Variants in FNBP1L observed in about 807,000 individuals in gnomAD.
The protein encoded by FNBP1L is formin binding protein 1 like.
FNBP1L carries 36 observed loss-of-function variants against 91.2 expected under a neutral mutation model. The ratio of observed to expected loss-of-function variants is 0.39; its 90% confidence interval spans 0.30 to 0.52. The LOEUF is 0.52. FNBP1L is among the 20% of genes least tolerant of loss of function. The pLI is 0.66. For missense variants in FNBP1L, 571 were observed against 732.1 expected, an observed-to-expected ratio of 0.78 and a Z score of 2.54; for synonymous variants, 242 against 237.0, an observed-to-expected ratio of 1.02 and a Z score of -0.19.
intron 1 of FNBP1L, among the ~76,000 whole-genome samples, chr1:93,482,884 C>T (rs911597957): frequency 3.3e-5 from 5 of 151,470 alleles, no homozygotes; most frequent in African/African-American, 9.7e-5. Flanking sequence ...CAGGCGTGGT[C>T]GCGGGCGCCT....
Position 93,519,308 on chromosome 1 carries a change from G to C in FNBP1L, c.141-2774G>C, listed in dbSNP as rs1417347429. Among the ~76,000 whole-genome samples the C allele has an allele frequency of 2.0e-5, 3 of 152,116 alleles. No homozygotes were observed. In the South Asian group the frequency reaches 6.2e-4, roughly 31 times the overall value. On this transcript the variant is annotated intron_variant, in intron 2 of 16. Coordinates refer to ENST00000271234, the MANE Select transcript of FNBP1L (RefSeq NM_001164473.3). ...TCCAGCAACATTGAACCCACTTACA[G>C]TTCTTAAATGCTCTGTTTTTCCCCA...
intron 1 of FNBP1L, among the ~76,000 whole-genome samples, chr1:93,469,357 T>C (rs191164392): frequency 8.7e-4 from 132 of 151,996 alleles, no homozygotes; most frequent in African/African-American, 3.0e-3. Context: ...GTCCTTGCGA[T>C]AGTTTGCTGA....
intron 1 of FNBP1L, among the ~76,000 whole-genome samples, chr1:93,492,068 T>A (rs1438502269): frequency 2.6e-5 from 4 of 152,218 alleles, no homozygotes; most frequent in Admixed American, 2.6e-4. Context: ...AGCTAATACA[T>A]AGATATAGTC....
At chr1:93,542,472 A>G (rs526751) in intron 11 of FNBP1L, among the ~76,000 whole-genome samples, 1 of 147,012 alleles carries the variant, frequency 6.8e-6, no homozygotes, top group Non-Finnish European at 1.5e-5. Flanking sequence ...AAAAAGCAAC[A>G]CTTAGGATGC....
chr1:93,508,376 C>T (rs916571141), intron 2 of FNBP1L, among the ~76,000 whole-genome samples: 1 of 152,044 alleles, frequency 6.6e-6, no homozygotes, highest in African/African-American at 2.4e-5. Flanking sequence ...TGTCTTCTTT[C>T]AGAGCATATG....
intron 10 of FNBP1L, among the ~76,000 whole-genome samples, chr1:93,538,836 C>T (rs908344506): frequency 1.3e-5 from 2 of 152,004 alleles, no homozygotes; most frequent in Admixed American, 6.6e-5. Context: ...TAAATAACTT[C>T]TTAAAAATTA....
chr1:93,495,602 C>G (rs890734329), intron 1 of FNBP1L, among the ~76,000 whole-genome samples: 4 of 152,048 alleles, frequency 2.6e-5, no homozygotes, highest in Admixed American at 2.0e-4. Context: ...ATTGAAAAAT[C>G]TTTGTTTAAT....
At chr1:93,471,219 C>T (rs1300397210) in intron 1 of FNBP1L, among the ~76,000 whole-genome samples, 1 of 152,106 alleles carries the variant, frequency 6.6e-6, no homozygotes, top group Non-Finnish European at 1.5e-5. Context: ...CAGAAATGTT[C>T]ATTGGAGCAT....
chr1:93,552,332 C>G (rs1672440157), intron 16 of FNBP1L, 77 bp from the exon 17 acceptor site: 2 of 1,543,856 alleles, frequency 1.3e-6, no homozygotes, highest in South Asian at 1.3e-5. Context: ...GGGACAGGCA[C>G]TTTAAACTGA....
At chr1:93,500,542 T>G (rs186004679) in intron 2 of FNBP1L, among the ~76,000 whole-genome samples, 1 of 149,770 alleles carries the variant, frequency 6.7e-6, no homozygotes, top group Admixed American at 6.6e-5. Context: ...GCACCAAGCT[T>G]CTTTTCTCCA....
chr1:93,454,232 G>A lies in FNBP1L; in HGVS notation c.24+5927G>A, dbSNP rs141629638. Among the ~76,000 whole-genome samples the A allele has an allele frequency of 1.9e-3, 291 of 152,276 alleles. 2 individuals carry two copies. Among genetic ancestry groups the A allele is most frequent in the African/African-American group, 6.7e-3 (280 of 41,560 alleles). On this transcript the variant is annotated intron_variant, in intron 1 of 16. Coordinates refer to ENST00000271234, the MANE Select transcript of FNBP1L (RefSeq NM_001164473.3). ...TTTGACTTGAATTTGAGTGCACAAT[G>A]TCTGAAAGTAGTGATGAAGGGTAGA...
chr1:93,464,455 G>A (rs550824600), intron 1 of FNBP1L, among the ~76,000 whole-genome samples: 1 of 152,072 alleles, frequency 6.6e-6, no homozygotes, highest in East Asian at 1.9e-4. Context: ...CATGTTTGTT[G>A]GATCTTCTTG....
intron 5 of FNBP1L, among the ~76,000 whole-genome samples, chr1:93,525,099 T>C (rs1287629574): frequency 6.6e-6 from 1 of 151,922 alleles, no homozygotes; most frequent in African/African-American, 2.4e-5. Flanking sequence ...TTAAATGATA[T>C]TCTGTAGTAT....
chr1:93,467,126 G>T (rs772799979), intron 1 of FNBP1L, among the ~76,000 whole-genome samples: 1 of 152,204 alleles, frequency 6.6e-6, no homozygotes, highest in Admixed American at 6.5e-5. Flanking sequence ...CAAAGTGCTG[G>T]AATTACAAGC....
intron 11 of FNBP1L, 138 bp from the exon 12 acceptor site, chr1:93,543,969 T>G: frequency 4.1e-6 from 2 of 484,510 alleles, no homozygotes; most frequent in Non-Finnish European, 7.2e-6. Flanking sequence ...GTAGATTTCT[T>G]TTTTTTTTAA....
chr1:93,452,136 C>T (rs1055283114), intron 1 of FNBP1L, among the ~76,000 whole-genome samples: 11 of 152,168 alleles, frequency 7.2e-5, no homozygotes, highest in African/African-American at 2.4e-4. Flanking sequence ...TTGTAAGTGA[C>T]TAGATTGTCC....
At chr1:93,518,804 T>G (rs979990126) in intron 2 of FNBP1L, among the ~76,000 whole-genome samples, 16 of 152,216 alleles carry the variant, frequency 1.1e-4, no homozygotes, top group African/African-American at 3.9e-4. Flanking sequence ...ATAACCACAA[T>G]TGAATTTTAG....
chr1:93,475,530 C>T (rs750956795), intron 1 of FNBP1L, among the ~76,000 whole-genome samples: 19 of 152,060 alleles, frequency 1.2e-4, no homozygotes, highest in Admixed American at 1.0e-3. Flanking sequence ...CTGAGTGAGA[C>T]CCTGTCTCAA....
chr1:93,506,844 C>T (rs1670632908), intron 2 of FNBP1L, among the ~76,000 whole-genome samples: 1 of 151,626 alleles, frequency 6.6e-6, no homozygotes, highest in East Asian at 1.9e-4. Flanking sequence ...CATGACAAAA[C>T]TAGAATGGAT....
Sources: allele counts gnomAD v4.1 joint callset (sites outside exome capture counted in the v4.1 genomes callset), GRCh38; gene constraint gnomAD v4.1.1; transcripts MANE v1.5; gene names NCBI Gene and HGNC (gene_info 2026-07-23, HGNC 2026-07-21).